FPGT: variants seen among roughly 807,000 people sequenced by gnomAD.
FPGT encodes GDP-L-fucose diphosphorylase.
In FPGT, 41 loss-of-function variants were observed where a neutral mutation model predicts 45.8. The observed-to-expected ratio is 0.90, with a 90% CI of 0.70 to 1.16. The LOEUF (loss-of-function observed/expected upper bound fraction) is 1.16, where lower values mean the gene tolerates loss of function less well. Ranked by LOEUF, FPGT falls within the 50% of genes most tolerant of loss-of-function variation. The pLI is 0.00. For synonymous variants in FPGT, 292 were observed against 247.2 expected (o/e 1.18, Z -1.70); for missense variants, 755 against 689.1 (o/e 1.10, Z -1.07).
chr1:74,207,263 T>A lies in FPGT; in HGVS notation c.*1431T>A, dbSNP rs1007871677. 6.6e-6 allele frequency: 1 copy of A among 152,120 alleles called. No individual in the cohort carries two copies. The highest frequency in any genetic ancestry group is 1.5e-5 in the Non-Finnish European group (1 of 67,974). The allele number at this position is 152,120 out of a possible 1,614,324, so 9.4% of individuals were successfully genotyped here. A position where few individuals can be genotyped will look rare whatever the true frequency, so the allele number is the denominator to read the frequency against. ...GAAATTTTCATATTTATTGGAGAGC[T>A]CTTTTAGATGTTTTTAAATACAGAT... On this transcript the variant is annotated 3_prime_UTR_variant, in exon 4 of 4. Coordinates refer to ENST00000370898, the MANE Select transcript of FPGT (RefSeq NM_003838.5).
In FPGT at chr1:74,207,216, GAC is replaced by G. The variant is rs1326915584; in HGVS notation, c.*1387_*1388del. 1.3e-5 allele frequency: 2 copies of G among 151,988 alleles called. No individual in the cohort carries two copies. The highest frequency in any genetic ancestry group is 2.9e-5 in the Non-Finnish European group (2 of 67,946). The allele number at this position is 151,988 out of a possible 1,614,324, so 9.4% of individuals were successfully genotyped here. A position where few individuals can be genotyped will look rare whatever the true frequency, so the allele number is the denominator to read the frequency against. ...CATTAAGAAAAACACAATAAAACATGACACTGCTTTTTTTGTTACTTGAAATT... is the reference window on the plus strand; with the variant it reads ...CATTAAGAAAAACACAATAAAACATGACTGCTTTTTTTGTTACTTGAAATT... On this transcript the variant is annotated 3_prime_UTR_variant, in exon 4 of 4. Coordinates refer to ENST00000370898, the MANE Select transcript of FPGT (RefSeq NM_003838.5).
At chr1:74,198,820 TAAAAG>T (rs3835390) in intron 1 of FPGT, among the ~76,000 whole-genome samples, 62,225 of 151,458 alleles carry the variant, frequency 0.41, 14,114 homozygotes, top group East Asian at 0.72. Flanking sequence ...GATTAAAAAT[TAAAAG>T]GAAGAAATTT....
chr1:74,202,109 A>C (rs1171313706), intron 3 of FPGT, among the ~76,000 whole-genome samples: 1 of 152,264 alleles, frequency 6.6e-6, no homozygotes, highest in Non-Finnish European at 1.5e-5. Flanking sequence ...AAGACATTTT[A>C]AAACAGAAAA....
rs565699819 is a variant in FPGT at position 74,206,128 on chromosome 1, T to C, written c.*296T>C. 39 of 214,488 alleles carry C rather than the reference T, an allele frequency of 1.8e-4. No homozygotes were observed. Among genetic ancestry groups the C allele is most frequent in the African/African-American group, 8.7e-4 (38 of 43,584 alleles). 13.3% of individuals were successfully genotyped at this position (214,488 alleles called of 1,614,324 possible). A position where few individuals can be genotyped will look rare whatever the true frequency, so the allele number is the denominator to read the frequency against. ...AGTTTTAAAGGTAATTTTCTAAGCA[T>C]ACCTTTGGAATTTTTCCATCTTTTT... On this transcript the variant is annotated 3_prime_UTR_variant, in exon 4 of 4. Transcript: ENST00000370898.
chr1:74,200,905 T>C (rs1440228483), intron 2 of FPGT: 2 of 155,152 alleles, frequency 1.3e-5, no homozygotes, highest in African/African-American at 4.8e-5. Context: ...GTTCTAAAAA[T>C]CTTTTTTCGA....
chr1:74,203,353 A>G (rs77851276), intron 3 of FPGT, among the ~76,000 whole-genome samples: 3,158 of 151,752 alleles, frequency 0.021, 107 homozygotes, highest in African/African-American at 0.072. Context: ...TAGCATTAGT[A>G]TATTAGTTTT....
In FPGT at chr1:74,205,224, C is replaced by A. The variant is rs1652168759; in HGVS notation, c.1177C>A (p.Pro393Thr). Reference sequence around the variant, plus strand: ...AACTTTTAGTATCTTTCCAGATATACCAGAATGCTCTGGCAAAACATCCTG... The same window carrying A: ...AACTTTTAGTATCTTTCCAGATATAACAGAATGCTCTGGCAAAACATCCTG... Reference protein sequence around the residue: ...SITFSIFPDIPECSGKTSCII... With the variant: ...SITFSIFPDITECSGKTSCII... The change falls in exon 4 of 4, where the codon CCA becomes ACA. Residue 393 changes from proline to threonine, a missense_variant. Physicochemically the swap from Pro to Thr is conservative, Grantham distance 38 (BLOSUM62 -1). Transcript: ENST00000370898. 6.2e-7 allele frequency: 1 copy of A among 1,613,944 alleles called. No individual in the cohort carries two copies. Among genetic ancestry groups the A allele is most frequent in the East Asian group, 2.2e-5 (1 of 44,876 alleles).
intron 3 of FPGT, 52 bp from the exon 4 acceptor site, chr1:74,204,339 T>A: frequency 3.6e-6 from 5 of 1,380,904 alleles, no homozygotes; most frequent in Non-Finnish European, 4.8e-6. Flanking sequence ...GTTTTGAAAA[T>A]TTTATAAATA....
In FPGT at chr1:74,205,234, C is replaced by T. The variant is rs1490436063; in HGVS notation, c.1187C>T (p.Ser396Phe). The change falls in exon 4 of 4, where the codon TCT becomes TTT. Residue 396 changes from serine (S) to phenylalanine (F), a missense_variant. Ser to Phe is a radical substitution (Grantham distance 155). Coordinates refer to ENST00000370898, the MANE Select transcript of FPGT (RefSeq NM_003838.5). ...FSIFPDIPEC[S>F]GKTSCIIQSI... ...ATCTTTCCAGATATACCAGAATGCT[C>T]TGGCAAAACATCCTGTATCATTCAA... 1.2e-6 allele frequency: 2 copies of T among 1,614,002 alleles called. No individual in the cohort carries two copies. Among genetic ancestry groups the T allele is most frequent in the East Asian group, 2.2e-5 (1 of 44,876 alleles).
rs1286655778 is a variant in FPGT at position 74,208,631 on chromosome 1, T to C, written c.*2799T>C. Among the ~76,000 whole-genome samples the C allele has an allele frequency of 6.6e-6, 1 of 152,062 alleles. No homozygotes were observed. Among genetic ancestry groups the C allele is most frequent in the African/African-American group, 2.4e-5 (1 of 41,414 alleles). On this transcript the variant is annotated 3_prime_UTR_variant, in exon 4 of 4. Transcript: ENST00000370898. ...AATAATCTTTTACCTTAGGCATTTA[T>C]TCTCTAAGCAAAGCAGAAATAAAGG...
chr1:74,203,391 A>G (rs995037576), intron 3 of FPGT, among the ~76,000 whole-genome samples: 6 of 115,788 alleles, frequency 5.2e-5, no homozygotes, highest in Non-Finnish European at 1.2e-4. Context: ...TGTGAAGTAG[A>G]TTTTTTTTTT....
intron 3 of FPGT, among the ~76,000 whole-genome samples, chr1:74,202,689 A>C (rs1405419371): frequency 6.6e-6 from 1 of 152,218 alleles, no homozygotes; most frequent in Admixed American, 6.5e-5. Context: ...TTAGCTTACT[A>C]TAACATTTTT....
At chr1:74,201,238 A>G (rs1651761379) in intron 2 of FPGT, 80 bp from the exon 3 acceptor site, 1 of 1,167,016 alleles carries the variant, frequency 8.6e-7, no homozygotes, top group Admixed American at 2.1e-5. Flanking sequence ...AAGGTTATAT[A>G]ACACCTAAAT....
chr1:74,198,570 T>A, intron 1 of FPGT: 1 of 629,902 alleles, frequency 1.6e-6, no homozygotes, highest in Non-Finnish European at 2.6e-6. Flanking sequence ...TTATTCTTAG[T>A]AGTATAGATA....
Position 74,201,795 on chromosome 1 carries a change from G to A in FPGT, c.343+385G>A, listed in dbSNP as rs147978391. ...TTTAAGTTCCAGGGTCCATGTGCAG[G>A]TTTGTTACATAGGTAAACGTGTGCC... On this transcript the variant is annotated intron_variant, in intron 3 of 3. Coordinates refer to ENST00000370898, the MANE Select transcript of FPGT (RefSeq NM_003838.5). 2.0e-3 allele frequency among the ~76,000 whole-genome samples: 303 copies of A among 152,180 alleles called. 1 individual carries two copies. The highest frequency in any genetic ancestry group is 6.7e-3 in the African/African-American group (280 of 41,520).
intron 2 of FPGT, among the ~76,000 whole-genome samples, 169 bp from the exon 3 acceptor site, chr1:74,201,149 A>C (rs17591703): frequency 1.3e-5 from 2 of 151,928 alleles, no homozygotes; most frequent in Non-Finnish European, 2.9e-5. Flanking sequence ...GTTGTTTGCT[A>C]TGAGATGTTT....
At chr1:74,203,879 T>C (rs940994341) in intron 3 of FPGT, among the ~76,000 whole-genome samples, 75 of 151,702 alleles carry the variant, frequency 4.9e-4, no homozygotes, top group African/African-American at 1.7e-3. Context: ...TCGTCTCTAC[T>C]AAAAATACAA....
rs1652469095 is a variant in FPGT, at chr1:74,208,597, A to T, written c.*2765A>T. ...TCAACAAGGGCATGGGAAAAATTCA[A>T]CATTTGATAATAATCTTTTACCTTA... is the stretch of plus-strand genomic sequence containing the variant. On this transcript the variant is annotated 3_prime_UTR_variant, in exon 4 of 4. Transcript: ENST00000370898. Among the ~76,000 whole-genome samples, 1 of 152,126 alleles carries T rather than the reference A, an allele frequency of 6.6e-6. No individual in the cohort carries two copies.
Position 74,206,460 on chromosome 1 carries a change from G to A in FPGT, c.*628G>A, listed in dbSNP as rs926958591. The A allele has an allele frequency of 1.3e-5, 2 of 152,054 alleles. No homozygotes were observed. Among genetic ancestry groups the A allele is most frequent in the Non-Finnish European group, 2.9e-5 (2 of 67,950 alleles). The allele number at this position is 152,054 out of a possible 1,614,324, so 9.4% of individuals were successfully genotyped here. A position where few individuals can be genotyped will look rare whatever the true frequency, so the allele number is the denominator to read the frequency against. On this transcript the variant is annotated 3_prime_UTR_variant, in exon 4 of 4. Coordinates refer to ENST00000370898, the MANE Select transcript of FPGT (RefSeq NM_003838.5). Reference sequence around the variant, plus strand: ...ATATGTATTATACACTTGAACATGTGTTTGTATATCTTTAAAATTTTCCTT... The same window carrying A: ...ATATGTATTATACACTTGAACATGTATTTGTATATCTTTAAAATTTTCCTT...
Sources: gnomAD v4.1 joint callset for allele counts (sites outside exome capture counted in the v4.1 genomes callset) on GRCh38, gnomAD v4.1.1 for gene constraint, MANE v1.5 for transcripts, NCBI Gene and HGNC (gene_info 2026-07-23, HGNC 2026-07-21) for gene names.